The following PIBF1 variants were observed in gnomAD, a reference collection of about 807,000 sequenced individuals.
PIBF1 encodes progesterone-induced-blocking factor 1.
A neutral mutation model predicts 112.5 loss-of-function variants in PIBF1; 90 were observed. That is an observed-to-expected ratio of 0.80 (90% CI 0.67 to 0.95). The LOEUF (loss-of-function observed/expected upper bound fraction) is 0.95, where lower values mean the gene tolerates loss of function less well. Among genes scored for constraint, PIBF1 ranks in the 40% least tolerant of loss-of-function variants. The probability of loss-of-function intolerance (pLI) is 0.00; values close to 1 mark genes in which losing one functional copy is unlikely to be tolerated. For missense variants in PIBF1, 915 were observed against 852.3 expected (o/e 1.07, Z -0.92); for synonymous variants, 301 against 288.6 (o/e 1.04, Z -0.44).
At chr13:72,966,082 A>G (rs980517199) in intron 15 of PIBF1, among the ~76,000 whole-genome samples, 34 of 152,334 alleles carry the variant, frequency 2.2e-4, no homozygotes, top group African/African-American at 7.7e-4. Context: ...AGAATAATTT[A>G]GATTTTTATG....
intron 17 of PIBF1, among the ~76,000 whole-genome samples, chr13:73,001,582 C>CTGTTTTTTT (rs2043867544): frequency 3.4e-5 from 1 of 29,160 alleles, no homozygotes. Context: ...AAGAGCTTGA[C>CTGTTTTTTT]TTTTTTTTTT....
At chr13:72,802,426 G>A (rs1204363723) in intron 5 of PIBF1, among the ~76,000 whole-genome samples, 1 of 152,128 alleles carries the variant, frequency 6.6e-6, no homozygotes, top group African/African-American at 2.4e-5. Flanking sequence ...CTAGGGGAGA[G>A]ATTATTGTGT....
At chr13:72,858,936 C>T (rs1355356874) in intron 10 of PIBF1, among the ~76,000 whole-genome samples, 1 of 151,436 alleles carries the variant, frequency 6.6e-6, no homozygotes, top group Non-Finnish European at 1.5e-5. Flanking sequence ...GATTACATTA[C>T]ATAACATATT....
rs2035152467 is a variant in PIBF1 at position 72,795,565 on chromosome 13, T to C, written c.552+8T>C. On this transcript the variant is annotated splice_region_variant and intron_variant, in intron 4 of 17. Transcript: ENST00000326291. ...ATTCCTGAATATGTATCTGTAAGTATCTTATATCTATTTTTAACTATGACA... is the reference window on the plus strand; with the variant it reads ...ATTCCTGAATATGTATCTGTAAGTACCTTATATCTATTTTTAACTATGACA... The C allele has an allele frequency of 6.9e-7, 1 of 1,441,018 alleles. No individual in the cohort carries two copies. Among genetic ancestry groups the C allele is most frequent in the African/African-American group, 1.4e-5 (1 of 69,730 alleles). 89.3% of individuals were successfully genotyped at this position (1,441,018 alleles called of 1,614,324 possible).
At chr13:72,800,545 C>T (rs149386961) in intron 5 of PIBF1, among the ~76,000 whole-genome samples, 3 of 152,272 alleles carry the variant, frequency 2.0e-5, no homozygotes, top group East Asian at 3.9e-4. Flanking sequence ...ACAGCTTCTC[C>T]GTCCGTAAAA....
chr13:73,012,468 A>G (rs1470147974), intron 17 of PIBF1, among the ~76,000 whole-genome samples: 13 of 152,118 alleles, frequency 8.5e-5, no homozygotes, highest in South Asian at 8.3e-4. Flanking sequence ...GTTCATGCCT[A>G]TAATCCCAGC....
chr13:72,841,413 A>G (rs971721037), intron 9 of PIBF1, among the ~76,000 whole-genome samples: 2 of 152,200 alleles, frequency 1.3e-5, no homozygotes, highest in African/African-American at 4.8e-5. Context: ...TCCTGGTTCT[A>G]CCACTTACTA....
At chr13:72,826,437 G>C (rs74401819) in intron 6 of PIBF1, among the ~76,000 whole-genome samples, 3,338 of 152,312 alleles carry the variant, frequency 0.022, 137 homozygotes, top group African/African-American at 0.076. Context: ...TTAAGAGTTA[G>C]TAAATCTGTT....
At chr13:72,956,866 A>G (rs1213743220) in intron 14 of PIBF1, among the ~76,000 whole-genome samples, 1 of 152,260 alleles carries the variant, frequency 6.6e-6, no homozygotes, top group Non-Finnish European at 1.5e-5. Flanking sequence ...ACATGAATAG[A>G]CAGTTCTCAA....
At chr13:72,932,958 A>AT (rs2041754749) in intron 14 of PIBF1, among the ~76,000 whole-genome samples, 1 of 152,172 alleles carries the variant, frequency 6.6e-6, no homozygotes. Flanking sequence ...GTTGATGGAC[A>AT]TTGGAGTCAT....
chr13:72,997,623 GA>G (rs765915322), intron 16 of PIBF1, among the ~76,000 whole-genome samples: 21 of 152,166 alleles, frequency 1.4e-4, no homozygotes, highest in Admixed American at 7.2e-4. Context: ...ACAGCCAGAA[GA>G]GAAAGGCCTG....
At chr13:72,871,529 CT>C (rs1283866720) in intron 10 of PIBF1, among the ~76,000 whole-genome samples, 1 of 152,114 alleles carries the variant, frequency 6.6e-6, no homozygotes, top group Non-Finnish European at 1.5e-5. Context: ...TGGTCTTGAA[CT>C]CCTGACCTTG....
chr13:72,982,621 ACTTTAGC>A (rs1176824485), intron 16 of PIBF1, among the ~76,000 whole-genome samples: 4 of 152,104 alleles, frequency 2.6e-5, no homozygotes, highest in Non-Finnish European at 5.9e-5. Context: ...TCCTTTTTGT[ACTTTAGC>A]CTTTAGCACA....
At chr13:72,874,857 C>T (rs905263308) in intron 10 of PIBF1, among the ~76,000 whole-genome samples, 8 of 152,092 alleles carry the variant, frequency 5.3e-5, no homozygotes, top group African/African-American at 1.2e-4. Flanking sequence ...ACATGTATAG[C>T]CTACCCCATT....
chr13:72,861,695 C>T (rs1464563983), intron 10 of PIBF1, among the ~76,000 whole-genome samples: 2 of 152,162 alleles, frequency 1.3e-5, no homozygotes, highest in African/African-American at 2.4e-5. Flanking sequence ...CCTACTGAGT[C>T]GCTGGGACTA....
intron 14 of PIBF1, among the ~76,000 whole-genome samples, chr13:72,931,606 T>A (rs185556912): frequency 1.3e-4 from 19 of 151,716 alleles, no homozygotes; most frequent in Non-Finnish European, 2.2e-4. Flanking sequence ...GATTTGGTTT[T>A]TACCTCTGTG....
chr13:72,844,889 T>C (rs1418298361), intron 9 of PIBF1, among the ~76,000 whole-genome samples: 3 of 149,160 alleles, frequency 2.0e-5, no homozygotes, highest in Non-Finnish European at 3.0e-5. Flanking sequence ...CCCAAAGTGC[T>C]AGGATTACAG....
chr13:72,823,604 G>A (rs1021661984), intron 6 of PIBF1, among the ~76,000 whole-genome samples: 22 of 151,924 alleles, frequency 1.4e-4, no homozygotes, highest in Non-Finnish European at 3.2e-4. Context: ...ATGTACAAAA[G>A]GAAACAGGTG....
At chr13:72,996,919 T>C (rs903000243) in intron 16 of PIBF1, among the ~76,000 whole-genome samples, 1 of 152,212 alleles carries the variant, frequency 6.6e-6, no homozygotes, top group Non-Finnish European at 1.5e-5. Flanking sequence ...AATAAGAATT[T>C]TACAGAATTT....
Sources: gnomAD v4.1 joint callset for allele counts (sites outside exome capture counted in the v4.1 genomes callset) on GRCh38, gnomAD v4.1.1 for gene constraint, MANE v1.5 for transcripts, NCBI Gene and HGNC (gene_info 2026-07-23, HGNC 2026-07-21) for gene names.